Variants in CPNE4 observed in about 807,000 individuals in gnomAD.
CPNE4 encodes copine 4.
In CPNE4, 25 loss-of-function variants were observed where a neutral mutation model predicts 67.9. That is an observed-to-expected ratio of 0.37 (90% confidence interval 0.27 to 0.51). The LOEUF (loss-of-function observed/expected upper bound fraction) is 0.51. Ranked by LOEUF, CPNE4 falls within the 20% of genes least tolerant of loss-of-function variation. CPNE4 has a pLI of 0.93. For missense variants in CPNE4, 464 were observed against 690.8 expected, an observed-to-expected ratio of 0.67 and a Z score of 3.68; for synonymous variants, 242 against 244.9, an observed-to-expected ratio of 0.99 and a Z score of 0.11.
chr3:131,611,084 T>C (rs1030171144), intron 7 of CPNE4, among the ~76,000 whole-genome samples: 2 of 152,138 alleles, frequency 1.3e-5, no homozygotes, highest in Non-Finnish European at 2.9e-5. Context: ...ATCAGGAGTC[T>C]TTTTTTAAAA....
At chr3:131,596,621 CAAAAA>C (rs58456346) in intron 7 of CPNE4, among the ~76,000 whole-genome samples, 28 of 32,946 alleles carry the variant, frequency 8.5e-4, no homozygotes, top group Admixed American at 1.1e-3. Context: ...GACTCCGTCT[CAAAAA>C]AAAAAAAAAA....
In CPNE4 at chr3:131,906,522, G is replaced by A. The variant is rs540389988; in HGVS notation, c.-1-1078C>T. ...GCGGTGTTTGGTTTTTTGTTCTTGC[G>A]ATAGTTTACTGAGAATGATGGTTTC... On this transcript the variant is annotated intron_variant, in intron 1 of 15. Transcript: ENST00000429747. Among the ~76,000 whole-genome samples the A allele has an allele frequency of 4.0e-4, 61 of 150,798 alleles. No individual in the cohort carries two copies. In the South Asian group the frequency reaches 6.7e-3, roughly 17 times the overall value.
intron 2 of CPNE4, among the ~76,000 whole-genome samples, chr3:131,743,962 C>CAAAAA (rs67791015): frequency 0.022 from 1,279 of 58,992 alleles, 221 homozygotes; most frequent in Middle Eastern, 0.068. Flanking sequence ...GACTCCGTCT[C>CAAAAA]AAAAAAAAAA....
chr3:131,825,960 T>C (rs1560407321), intron 2 of CPNE4, among the ~76,000 whole-genome samples: 5 of 152,334 alleles, frequency 3.3e-5, no homozygotes, highest in African/African-American at 4.8e-5. Flanking sequence ...GGCCCCCTTT[T>C]GGATAAGCTT....
rs758666304 is a variant in CPNE4 at position 131,542,602 on chromosome 3, A to T, written c.1494T>A (p.Val498=). 6 of 1,614,116 alleles carry T rather than the reference A, an allele frequency of 3.7e-6. No homozygotes were observed. Among genetic ancestry groups the T allele is most frequent in the Non-Finnish European group, 5.1e-6 (6 of 1,179,988 alleles). ...GCACGAACTGGACGATGTCTCGAAG[A>T]ACAGGCTCTCCCTTGGGTGACCTCA... is the stretch of plus-strand genomic sequence containing the variant. ...GILRSPKGEP[V]LRDIVQFVPF... is the part of the protein sequence containing the mutation. Residue 498 remains valine (V), a synonymous_variant, in exon 15 of 16, where the codon GTT becomes GTA. Transcript: ENST00000429747.
rs188608562 is a variant in CPNE4 at position 131,589,395 on chromosome 3, G to T, written c.682-1813C>A. ...TGGCTTAGGAAAAAGAAGGAAATCA[G>T]AAGACTCGGCAGGCAAGCAAGGTTA... On this transcript the variant is annotated intron_variant, in intron 7 of 15. Coordinates refer to ENST00000429747, the MANE Select transcript of CPNE4 (RefSeq NM_130808.3). Among the ~76,000 whole-genome samples, 258 of 152,316 alleles carry T rather than the reference G, an allele frequency of 1.7e-3. 1 individual carries two copies. The highest frequency in any genetic ancestry group is 2.7e-3 in the Non-Finnish European group (185 of 68,022).
At chr3:131,657,706 G>C (rs1582971996) in intron 7 of CPNE4, among the ~76,000 whole-genome samples, 1 of 5,842 alleles carries the variant, frequency 1.7e-4, no homozygotes, top group Non-Finnish European at 3.0e-3. Context: ...AGCTAATTTT[G>C]TGTGTGTGTG....
At chr3:131,659,675 G>A (rs1359493587) in intron 7 of CPNE4, among the ~76,000 whole-genome samples, 3 of 152,170 alleles carry the variant, frequency 2.0e-5, no homozygotes, top group African/African-American at 7.2e-5. Flanking sequence ...GTTTGGCCAG[G>A]TTGTACCATC....
chr3:131,926,718 C>T (rs2070905488), intron 1 of CPNE4, among the ~76,000 whole-genome samples: 1 of 152,120 alleles, frequency 6.6e-6, no homozygotes, highest in African/African-American at 2.4e-5. Flanking sequence ...GACTGATAAT[C>T]CCACCCTTTT....
intron 2 of CPNE4, among the ~76,000 whole-genome samples, chr3:131,843,199 G>A (rs562303235): frequency 8.1e-4 from 123 of 152,284 alleles, no homozygotes; most frequent in Admixed American, 1.9e-3. Context: ...ACACCGTGCC[G>A]GATATGATTC....
chr3:131,848,441 C>G (rs1357619883), intron 2 of CPNE4, among the ~76,000 whole-genome samples: 1 of 152,104 alleles, frequency 6.6e-6, no homozygotes, highest in Admixed American at 6.6e-5. Flanking sequence ...TCCTCTGAAG[C>G]TGACTTCCTT....
chr3:131,699,068 G>A (rs184806150), intron 4 of CPNE4, among the ~76,000 whole-genome samples: 238 of 151,978 alleles, frequency 1.6e-3, no homozygotes, highest in African/African-American at 5.4e-3. Context: ...CTTTTTGTTT[G>A]TTTCTTTTTT....
intron 5 of CPNE4, among the ~76,000 whole-genome samples, chr3:131,689,665 A>G (rs1055869008): frequency 4.6e-5 from 7 of 152,234 alleles, no homozygotes; most frequent in Admixed American, 4.6e-4. Flanking sequence ...TAAGACAAGC[A>G]TGTCAACTCT....
chr3:131,971,218 G>A (rs61794862), intron 1 of CPNE4, among the ~76,000 whole-genome samples: 3 of 152,120 alleles, frequency 2.0e-5, no homozygotes, highest in Non-Finnish European at 4.4e-5. Flanking sequence ...CTTACAGGGT[G>A]GGTCAAAGGT....
At chr3:132,034,060 C>T (rs2074297344) in intron 1 of CPNE4, among the ~76,000 whole-genome samples, 2 of 152,196 alleles carry the variant, frequency 1.3e-5, no homozygotes, top group Non-Finnish European at 2.9e-5. Flanking sequence ...ATTATTAGAA[C>T]CTCATTGTAA....
intron 2 of CPNE4, among the ~76,000 whole-genome samples, chr3:131,792,925 G>GTGTGTGTGTGTGTGTATATCTATA (rs58502463): frequency 2.7e-4 from 36 of 135,140 alleles, no homozygotes; most frequent in African/African-American, 9.5e-4. Flanking sequence ...GTGTGTGTGT[G>GTGTGTGTGTGTGTGTATATCTATA]TATCTCCAAC....
chr3:131,636,145 T>A (rs1438268360), intron 7 of CPNE4, among the ~76,000 whole-genome samples: 1 of 151,566 alleles, frequency 6.6e-6, no homozygotes, highest in Admixed American at 6.6e-5. Context: ...CACAGACCCT[T>A]TGAAGGAACT....
chr3:131,953,238 TTAAAAAAAAAA>T (rs1218907354), intron 1 of CPNE4, among the ~76,000 whole-genome samples: 5 of 75,700 alleles, frequency 6.6e-5, no homozygotes, highest in Admixed American at 1.2e-4. Context: ...GAATGATCAA[TTAAAAAAAAAA>T]AAAAAAAAAA....
intron 1 of CPNE4, among the ~76,000 whole-genome samples, chr3:132,033,108 A>G (rs1192467434): frequency 6.6e-6 from 1 of 152,262 alleles, no homozygotes; most frequent in Non-Finnish European, 1.5e-5. Flanking sequence ...ATTTGAAGTT[A>G]AGGTAATTGT....
Sources: allele counts gnomAD v4.1 joint callset (sites outside exome capture counted in the v4.1 genomes callset), GRCh38; gene constraint gnomAD v4.1.1; transcripts MANE v1.5; gene names NCBI Gene and HGNC (gene_info 2026-07-23, HGNC 2026-07-21).